C12orf56: variants seen among roughly 807,000 people sequenced by gnomAD.
The protein encoded by C12orf56 is uncharacterized protein C12orf56.
C12orf56 carries 71 observed loss-of-function variants against 69.9 expected under a neutral mutation model. The observed-to-expected ratio is 1.02, with a 90% CI of 0.84 to 1.24. The LOEUF is 1.24. Among genes scored for constraint, C12orf56 ranks in the 50% most tolerant of loss-of-function variants. The pLI is 0.00. For missense variants in C12orf56, 732 were observed against 738.5 expected (o/e 0.99, Z 0.10); for synonymous variants, 276 against 274.1 (o/e 1.01, Z -0.07).
At chr12:64,372,319 TAA>T (rs1454315457) in intron 1 of C12orf56, among the ~76,000 whole-genome samples, 3 of 152,202 alleles carry the variant, frequency 2.0e-5, no homozygotes, top group Non-Finnish European at 4.4e-5. Flanking sequence ...AAAAAAACCC[TAA>T]GAGTTTAATC....
intron 3 of C12orf56, among the ~76,000 whole-genome samples, chr12:64,320,379 A>T (rs1166144897): frequency 6.6e-6 from 1 of 151,788 alleles, no homozygotes; most frequent in African/African-American, 2.4e-5. Flanking sequence ...CTGGTCTCAA[A>T]CTCCTGGGCT....
At chr12:64,284,024 A>G (rs923271736) in intron 8 of C12orf56, among the ~76,000 whole-genome samples, 1 of 150,866 alleles carries the variant, frequency 6.6e-6, no homozygotes, top group African/African-American at 2.4e-5. Context: ...CAGCCTCCCG[A>G]GTAGCTGGGA....
chr12:64,367,624 G>A (rs1224483760), intron 1 of C12orf56, among the ~76,000 whole-genome samples: 1 of 150,548 alleles, frequency 6.6e-6, no homozygotes, highest in East Asian at 1.9e-4. Flanking sequence ...TCCTGCCTCA[G>A]CCTCCCGAGT....
At chr12:64,329,225 C>T (rs2038893582) in intron 3 of C12orf56, among the ~76,000 whole-genome samples, 1 of 152,096 alleles carries the variant, frequency 6.6e-6, no homozygotes, top group Non-Finnish European at 1.5e-5. Flanking sequence ...AGCGTGATCC[C>T]TTCTGACATC....
intron 2 of C12orf56, among the ~76,000 whole-genome samples, chr12:64,337,659 C>T (rs1361730545): frequency 1.3e-5 from 2 of 151,982 alleles, no homozygotes; most frequent in Admixed American, 6.6e-5. Flanking sequence ...CAGTTTGAGA[C>T]CAGACTGGCC....
chr12:64,390,460 A>T lies in C12orf56; in HGVS notation c.106T>A (p.Tyr36Asn). 1 of 1,609,020 alleles carries T rather than the reference A, an allele frequency of 6.2e-7. No homozygotes were observed. Among genetic ancestry groups the T allele is most frequent in the Non-Finnish European group, 8.5e-7 (1 of 1,179,682 alleles). Residue 36 changes from tyrosine (Y) to asparagine (N), a missense_variant, in exon 1 of 13, where the codon TAC becomes AAC. Physicochemically the swap from Tyr to Asn is moderately radical, Grantham distance 143. Transcript: ENST00000543942. ...TTGGACACCACGATGCATGGCTCGTAGGCGCGGACCGCGTCGTAGACCTCG... is the reference window on the plus strand; with the variant it reads ...TTGGACACCACGATGCATGGCTCGTTGGCGCGGACCGCGTCGTAGACCTCG... ...PPEVYDAVRA[Y>N]EPCIVVSNSE...
At chr12:64,309,874 T>C (rs188010339) in intron 5 of C12orf56, among the ~76,000 whole-genome samples, 1 of 152,312 alleles carries the variant, frequency 6.6e-6, no homozygotes, top group Non-Finnish European at 1.5e-5. Context: ...ACTTCATAGG[T>C]GGTGCTGTGT....
In C12orf56 at chr12:64,331,035, TA is replaced by T. The variant is rs11392869; in HGVS notation, c.416-4del. On this transcript the variant is annotated splice_polypyrimidine_tract_variant and splice_region_variant and intron_variant, in intron 2 of 12. Coordinates refer to ENST00000543942, the MANE Select transcript of C12orf56 (RefSeq NM_001170633.2). ...AAGGCCGTTCTTTTCTTCCTTGACT[TA>T]AAAAAAAAATAGTTATTTGGTCATT... is the stretch of plus-strand genomic sequence containing the variant. 4,120 of 1,380,186 alleles carry T rather than the reference TA, an allele frequency of 3.0e-3. 12 individuals carry two copies. Among genetic ancestry groups the T allele is most frequent in the African/African-American group, 0.016 (1,063 of 67,736 alleles). The allele number at this position is 1,380,186 out of a possible 1,614,324, so 85.5% of individuals were successfully genotyped here.
intron 4 of C12orf56, among the ~76,000 whole-genome samples, chr12:64,317,663 G>A (rs143934137): frequency 0.024 from 3,638 of 152,128 alleles, 62 homozygotes; most frequent in Non-Finnish European, 0.037. Flanking sequence ...AGGAGGCTGA[G>A]GCAGGAGAAT....
At chr12:64,322,749 C>A (rs1312861630) in intron 3 of C12orf56, among the ~76,000 whole-genome samples, 1 of 152,152 alleles carries the variant, frequency 6.6e-6, no homozygotes, top group Non-Finnish European at 1.5e-5. Context: ...ATGATAACAT[C>A]CTTTAGTCCT....
At chr12:64,379,320 C>G (rs1215057624) in intron 1 of C12orf56, among the ~76,000 whole-genome samples, 7 of 150,226 alleles carry the variant, frequency 4.7e-5, no homozygotes, top group South Asian at 2.1e-4. Flanking sequence ...GAGTCTCGCT[C>G]TGTCTCCCAG....
rs1052745174 is a variant in C12orf56, at chr12:64,390,384, T to C, written c.182A>G (p.Tyr61Cys). Residue 61 changes from tyrosine (Y) to cysteine (C), a missense_variant, in exon 1 of 13, where the codon TAC (tyrosine) becomes TGC (cysteine). By Grantham distance (194) the Tyr-to-Cys change is radical. Coordinates refer to ENST00000543942, the MANE Select transcript of C12orf56 (RefSeq NM_001170633.2). ...KYVVLSDRLV[Y>C]LTENPPKSIR... ...GGACTTGGGCGGGTTCTCGGTTAGG[T>C]AGACGAGCCGGTCGCTTAGCACCAC... The C allele has an allele frequency of 1.2e-6, 2 of 1,612,988 alleles. No homozygotes were observed. The highest frequency in any genetic ancestry group is 2.7e-5 in the African/African-American group (2 of 74,980).
chr12:64,380,119 A>C (rs1290676227), intron 1 of C12orf56, among the ~76,000 whole-genome samples: 24 of 87,648 alleles, frequency 2.7e-4, no homozygotes, highest in African/African-American at 4.4e-4. Flanking sequence ...AAAAAAAAAA[A>C]AAAAAAAAAA....
intron 2 of C12orf56, chr12:64,338,374 C>T: frequency 3.0e-6 from 2 of 669,658 alleles, no homozygotes; most frequent in Non-Finnish European, 5.8e-6. Flanking sequence ...TAATGGGGAC[C>T]TCCTGGTCAA....
intron 1 of C12orf56, among the ~76,000 whole-genome samples, chr12:64,385,234 A>C (rs1051809021): frequency 1.2e-4 from 19 of 152,190 alleles, no homozygotes; most frequent in African/African-American, 4.6e-4. Context: ...CACATCAAAC[A>C]CATACTGAGA....
chr12:64,386,722 G>T (rs1470963362), intron 1 of C12orf56, among the ~76,000 whole-genome samples: 2 of 151,834 alleles, frequency 1.3e-5, no homozygotes, highest in East Asian at 3.9e-4. Flanking sequence ...GTAGAGATGG[G>T]TCTTCACCAC....
chr12:64,328,698 AAAAAAAAAATATATATATATAT>A (rs1438664316), intron 3 of C12orf56, among the ~76,000 whole-genome samples: 750 of 20,590 alleles, frequency 0.036, 5 homozygotes, highest in African/African-American at 0.086. Context: ...AAAAAAAAAA[AAAAAAAAAATATATATATATAT>A]ATATATATAT....
chr12:64,370,977 G>A (rs2039562810), intron 1 of C12orf56, among the ~76,000 whole-genome samples: 1 of 152,054 alleles, frequency 6.6e-6, no homozygotes, highest in Non-Finnish European at 1.5e-5. Context: ...TCCACATTGG[G>A]CCATAGAGTG....
chr12:64,389,408 G>A (rs1328099261), intron 1 of C12orf56: 1 of 152,256 alleles, frequency 6.6e-6, no homozygotes, highest in Non-Finnish European at 1.5e-5. Flanking sequence ...CGCCCAGTTT[G>A]GATCAAGTGA....
Sources: allele counts gnomAD v4.1 joint callset (sites outside exome capture counted in the v4.1 genomes callset), GRCh38; gene constraint gnomAD v4.1.1; transcripts MANE v1.5; gene names NCBI Gene and HGNC (gene_info 2026-07-23, HGNC 2026-07-21).